Variants in EEFSEC observed in about 807,000 individuals in gnomAD.
EEFSEC encodes the protein eukaryotic elongation factor, selenocysteine-tRNA specific.
A neutral mutation model predicts 42.1 loss-of-function variants in EEFSEC; 43 were observed. The ratio of observed to expected loss-of-function variants is 1.02; its 90% confidence interval spans 0.80 to 1.32. The LOEUF (loss-of-function observed/expected upper bound fraction) is 1.32. Among genes scored for constraint, EEFSEC ranks in the 40% most tolerant of loss-of-function variants. The pLI, the probability that EEFSEC is intolerant of heterozygous loss-of-function variation, is 0.00. For synonymous variants in EEFSEC, 354 were observed against 339.1 expected (o/e 1.04, Z -0.48); for missense variants, 745 against 803.6 (o/e 0.93, Z 0.88).
intron 6 of EEFSEC, among the ~76,000 whole-genome samples, chr3:128,377,864 C>T (rs1350885109): frequency 6.6e-6 from 1 of 152,216 alleles, no homozygotes; most frequent in Non-Finnish European, 1.5e-5. Context: ...CTCTACCCCT[C>T]ACCAGCACAG....
intron 4 of EEFSEC, among the ~76,000 whole-genome samples, chr3:128,332,517 T>C (rs148891200): frequency 2.0e-4 from 31 of 152,322 alleles, no homozygotes; most frequent in Admixed American, 5.9e-4. Flanking sequence ...AATGGCGCAA[T>C]ATCGGGTCAC....
intron 6 of EEFSEC, among the ~76,000 whole-genome samples, chr3:128,388,287 G>T (rs1227060127): frequency 3.9e-5 from 6 of 152,168 alleles, no homozygotes; most frequent in African/African-American, 1.2e-4. Flanking sequence ...CTCGCCTCCA[G>T]CACTACCTCC....
intron 2 of EEFSEC, among the ~76,000 whole-genome samples, chr3:128,249,312 TTTC>T (rs1330799945): frequency 6.6e-6 from 1 of 152,220 alleles, no homozygotes; most frequent in Non-Finnish European, 1.5e-5. Flanking sequence ...CACCCAAAGA[TTTC>T]TTTTCTCAAA....
intron 1 of EEFSEC, among the ~76,000 whole-genome samples, chr3:128,235,005 T>C (rs774007148): frequency 1.3e-5 from 2 of 152,242 alleles, no homozygotes; most frequent in African/African-American, 4.8e-5. Flanking sequence ...TTTTCACTTA[T>C]GGTAAATTAT....
At position 128,309,327 on chromosome 3, in the gene EEFSEC, G is replaced by A. The variant is rs147383265; in HGVS notation, c.787-31906G>A. On this transcript the variant is annotated intron_variant, in intron 4 of 6. Transcript: ENST00000254730. ...GATAGCTGAGAGAGGGCCAGCTGGC[G>A]TTTGGAGTTAGAGGAAGAAATGGGA... Among the ~76,000 whole-genome samples the A allele has an allele frequency of 4.3e-3, 656 of 152,284 alleles. 6 individuals carry two copies. The highest frequency in any genetic ancestry group is 0.014 in the African/African-American group (596 of 41,550).
chr3:128,182,002 C>T (rs1331751830), intron 1 of EEFSEC, among the ~76,000 whole-genome samples: 6 of 151,994 alleles, frequency 3.9e-5, no homozygotes, highest in Admixed American at 6.6e-5. Flanking sequence ...TTAGTAGAGA[C>T]GGGGTTTCAC....
At chr3:128,335,381 A>T (rs2067178713) in intron 4 of EEFSEC, among the ~76,000 whole-genome samples, 1 of 152,012 alleles carries the variant, frequency 6.6e-6, no homozygotes, top group Non-Finnish European at 1.5e-5. Context: ...GTGACTGAGG[A>T]GGGGCTCTGA....
At chr3:128,256,490 C>T (rs1345925679) in intron 2 of EEFSEC, among the ~76,000 whole-genome samples, 1 of 152,140 alleles carries the variant, frequency 6.6e-6, no homozygotes, top group Non-Finnish European at 1.5e-5. Flanking sequence ...ATACAACATT[C>T]GCAGCATCAT....
At chr3:128,350,689 C>T (rs1263151677) in intron 5 of EEFSEC, among the ~76,000 whole-genome samples, 2 of 152,192 alleles carry the variant, frequency 1.3e-5, no homozygotes, top group Admixed American at 6.5e-5. Flanking sequence ...AGGGTCAGGA[C>T]AGCTTGATGT....
chr3:128,294,949 G>C (rs1253900677), intron 4 of EEFSEC, among the ~76,000 whole-genome samples: 2 of 152,198 alleles, frequency 1.3e-5, no homozygotes, highest in Admixed American at 1.3e-4. Flanking sequence ...CCAGGCCTCT[G>C]CTGTGCCTGT....
At chr3:128,364,523 A>T (rs1352269345) in intron 6 of EEFSEC, among the ~76,000 whole-genome samples, 3 of 152,234 alleles carry the variant, frequency 2.0e-5, no homozygotes, top group Admixed American at 6.5e-5. Flanking sequence ...GGAAAAGGCC[A>T]GGACAGTGGA....
At chr3:128,153,907 G>C in intron 1 of EEFSEC, 84 bp downstream of exon 1, 1 of 1,417,438 alleles carries the variant, frequency 7.1e-7, no homozygotes, top group South Asian at 1.5e-5. Context: ...TCGAGCCTTT[G>C]CCGGGACGGG....
At chr3:128,260,272 G>T (rs2066284531) in intron 2 of EEFSEC, among the ~76,000 whole-genome samples, 1 of 152,080 alleles carries the variant, frequency 6.6e-6, no homozygotes, top group African/African-American at 2.4e-5. Flanking sequence ...TTTCTTGATG[G>T]CTTCAAGATT....
At chr3:128,286,085 A>G (rs2066582291) in intron 4 of EEFSEC, among the ~76,000 whole-genome samples, 1 of 152,240 alleles carries the variant, frequency 6.6e-6, no homozygotes, top group African/African-American at 2.4e-5. Flanking sequence ...CCCTATGCCA[A>G]GCTTGCTCTT....
rs2066619103 is a variant in EEFSEC at position 128,289,332 on chromosome 3, C to G, written c.786+24551C>G. Among the ~76,000 whole-genome samples, 5 of 152,342 alleles carry G rather than the reference C, an allele frequency of 3.3e-5. No individual in the cohort carries two copies. The South Asian group carries it at 1.0e-3, about 32-fold the overall frequency. On this transcript the variant is annotated intron_variant, in intron 4 of 6. Coordinates refer to ENST00000254730, the MANE Select transcript of EEFSEC (RefSeq NM_021937.5). ...ATGTCTCATGCCTTTCTTTCTGCAT[C>G]CTGCACATTCTCAGTACCTTCCAGA... is the stretch of plus-strand genomic sequence containing the variant.
chr3:128,250,270 T>G (rs1172333437), intron 2 of EEFSEC, among the ~76,000 whole-genome samples: 1 of 152,180 alleles, frequency 6.6e-6, no homozygotes, highest in Non-Finnish European at 1.5e-5. Context: ...GAAGTCTAGT[T>G]TATCATTTTT....
At chr3:128,412,791 G>A (rs1052645737), downstream of EEFSEC, among the ~76,000 whole-genome samples, 2 of 152,242 alleles carry the variant, frequency 1.3e-5, no homozygotes, top group African/African-American at 4.8e-5. Flanking sequence ...TTGGGGCGGA[G>A]GCAGCAGTGG....
rs780879674 is a variant in EEFSEC, at chr3:128,264,763, G to A, written c.768G>A (p.Val256=). ...GCTCCATCAGCCTCGGTGACAGTGTGGAGATCCCTGCCCTCAAGGTCAGTC... is the reference window on the plus strand; with the variant it reads ...GCTCCATCAGCCTCGGTGACAGTGTAGAGATCCCTGCCCTCAAGGTCAGTC... ...LSGSISLGDS[V]EIPALKVVKK... is the part of the protein sequence containing the mutation. The change falls in exon 4 of 7, where the codon GTG becomes GTA. Residue 256 remains valine (V), a synonymous_variant. Coordinates refer to ENST00000254730, the MANE Select transcript of EEFSEC (RefSeq NM_021937.5). The A allele has an allele frequency of 6.2e-7, 1 of 1,614,006 alleles. No homozygotes were observed.
At chr3:128,284,126 C>T (rs907046128) in intron 4 of EEFSEC, among the ~76,000 whole-genome samples, 2 of 152,176 alleles carry the variant, frequency 1.3e-5, no homozygotes, top group African/African-American at 4.8e-5. Context: ...AGCCCTCCAC[C>T]CCCCACACAA....
Sources: gnomAD v4.1 joint callset for allele counts (sites outside exome capture counted in the v4.1 genomes callset) on GRCh38, gnomAD v4.1.1 for gene constraint, MANE v1.5 for transcripts, NCBI Gene and HGNC (gene_info 2026-07-23, HGNC 2026-07-21) for gene names.